NHEJ1: variants seen among roughly 807,000 people sequenced by gnomAD.
NHEJ1 encodes non-homologous end joining factor 1, also known as non-homologous end-joining factor 1.
A neutral mutation model predicts 39.4 loss-of-function variants in NHEJ1; 22 were observed. The ratio of observed to expected loss-of-function variants is 0.56; its 90% CI spans 0.40 to 0.80. NHEJ1 has a LOEUF of 0.80. Among genes scored for constraint, NHEJ1 ranks in the 30% least tolerant of loss-of-function variants. The pLI, the probability that NHEJ1 is intolerant of heterozygous loss-of-function variation, is 0.00. For missense variants in NHEJ1, 329 were observed against 357.1 expected (o/e 0.92, Z 0.63); for synonymous variants, 154 against 135.6 (o/e 1.14, Z -0.94).
At chr2:219,092,967 G>A (rs78107741) in intron 5 of NHEJ1, among the ~76,000 whole-genome samples, 2,944 of 152,292 alleles carry the variant, frequency 0.019, 109 homozygotes, top group African/African-American at 0.067. Flanking sequence ...TTTTACTTAA[G>A]CTAATTAAGG....
chr2:219,119,293 G>A (rs1004974147), intron 5 of NHEJ1, among the ~76,000 whole-genome samples: 33 of 152,216 alleles, frequency 2.2e-4, no homozygotes, highest in Non-Finnish European at 4.6e-4. Flanking sequence ...CTCACAGAAT[G>A]AGACAATAGT....
chr2:219,159,451 C>A (rs750162694), intron 1 of NHEJ1: 1 of 150,168 alleles, frequency 6.7e-6, no homozygotes, highest in Non-Finnish European at 1.5e-5. Flanking sequence ...CTTATTAAGT[C>A]TGATTAACAC....
intron 5 of NHEJ1, among the ~76,000 whole-genome samples, chr2:219,098,148 C>T (rs1305213299): frequency 6.6e-6 from 1 of 152,118 alleles, no homozygotes; most frequent in African/African-American, 2.4e-5. Flanking sequence ...AGAACAATTT[C>T]AATGGAGTGA....
At chr2:219,131,376 G>T (rs142836252) in intron 5 of NHEJ1, among the ~76,000 whole-genome samples, 1 of 152,178 alleles carries the variant, frequency 6.6e-6, no homozygotes, top group Non-Finnish European at 1.5e-5. Context: ...GACTAATTTC[G>T]AAATTAAAAT....
At chr2:219,102,433 T>C (rs1949270339) in intron 5 of NHEJ1, 3 of 152,224 alleles carry the variant, frequency 2.0e-5, no homozygotes, top group African/African-American at 7.2e-5. Flanking sequence ...ACTGAAAACT[T>C]GCTGGGTGCA....
At chr2:219,130,343 C>T (rs1212177285) in intron 5 of NHEJ1, among the ~76,000 whole-genome samples, 3 of 152,100 alleles carry the variant, frequency 2.0e-5, no homozygotes, top group Non-Finnish European at 4.4e-5. Flanking sequence ...GAGAGAGGGG[C>T]TGTAATACTG....
intron 5 of NHEJ1, among the ~76,000 whole-genome samples, chr2:219,101,406 C>T (rs1209735391): frequency 6.6e-6 from 1 of 151,976 alleles, no homozygotes; most frequent in Non-Finnish European, 1.5e-5. Context: ...TGAGCCACCG[C>T]GCCCGGCCTA....
chr2:219,145,454 C>A (rs994081982), intron 5 of NHEJ1, among the ~76,000 whole-genome samples: 3 of 152,128 alleles, frequency 2.0e-5, no homozygotes, highest in African/African-American at 7.2e-5. Flanking sequence ...TTATGCCTAG[C>A]CCTTTAAAAA....
rs187519220 is a variant in NHEJ1 at position 219,112,399 on chromosome 2, G to A, written c.589-34193C>T. Among the ~76,000 whole-genome samples, 20 of 152,136 alleles carry A rather than the reference G, an allele frequency of 1.3e-4. 1 individual carries two copies. The highest frequency in any genetic ancestry group is 7.2e-4 in the Admixed American group (11 of 15,290). ...GACTAGGACCAACCATAAATATCAC[G>A]CATATATAAATCATCATTATAATTA... On this transcript the variant is annotated intron_variant, in intron 5 of 7. Coordinates refer to ENST00000356853, the MANE Select transcript of NHEJ1 (RefSeq NM_024782.3).
rs1056940496 is a variant in NHEJ1, at chr2:219,073,766, G to A, written c.*2615C>T. Among the ~76,000 whole-genome samples, 8 of 152,240 alleles carry A rather than the reference G, an allele frequency of 5.3e-5. No homozygotes were observed. The highest frequency in any genetic ancestry group is 7.2e-5 in the African/African-American group (3 of 41,470). On this transcript the variant is annotated 3_prime_UTR_variant, in exon 8 of 8. Transcript: ENST00000356853. ...CAGCCCTGGCCCCAGCCCCAGCCCC[G>A]GGGAGCGGGCGGGTAGGCGGGGAGG...
At chr2:219,140,204 G>C (rs1316861380) in intron 5 of NHEJ1, among the ~76,000 whole-genome samples, 1 of 152,218 alleles carries the variant, frequency 6.6e-6, no homozygotes, top group Non-Finnish European at 1.5e-5. Context: ...GCAGTGGAGT[G>C]AATGAGGGAG....
rs985775439 is a variant in NHEJ1 at position 219,101,642 on chromosome 2, C to G, written c.589-23436G>C. Among the ~76,000 whole-genome samples, 9 of 151,952 alleles carry G rather than the reference C, an allele frequency of 5.9e-5. No homozygotes were observed. In the East Asian group the frequency reaches 1.7e-3, roughly 29 times the overall value. On this transcript the variant is annotated intron_variant, in intron 5 of 7. Coordinates refer to ENST00000356853, the MANE Select transcript of NHEJ1 (RefSeq NM_024782.3). ...CCCAGGCTGGTCTTGAACTCCGGGC[C>G]TCAAGTGATCTTCCTGCCTCGGCCT...
At chr2:219,120,203 T>C (rs1411075763) in intron 5 of NHEJ1, among the ~76,000 whole-genome samples, 1 of 152,244 alleles carries the variant, frequency 6.6e-6, no homozygotes, top group Non-Finnish European at 1.5e-5. Flanking sequence ...CTCACAAAGA[T>C]ACTTTTTCAT....
At chr2:219,097,881 G>T (rs1949223603) in intron 5 of NHEJ1, among the ~76,000 whole-genome samples, 1 of 152,172 alleles carries the variant, frequency 6.6e-6, no homozygotes, top group Non-Finnish European at 1.5e-5. Context: ...GCAAATGTGG[G>T]TAGAGAATAG....
intron 5 of NHEJ1, among the ~76,000 whole-genome samples, chr2:219,138,704 A>G (rs1319388151): frequency 6.6e-6 from 1 of 152,228 alleles, no homozygotes; most frequent in Non-Finnish European, 1.5e-5. Flanking sequence ...TATGTTGGAA[A>G]CTAGGTGCTA....
rs377705454 is a variant in NHEJ1, at chr2:219,080,688, T to TAAGCTTATATATGCTAATATATAA, written c.589-2483_589-2482insTTATATATTAGCATATATAAGCTT. On this transcript the variant is annotated intron_variant, in intron 5 of 7. Transcript: ENST00000356853. ...AAGCTTTTATATATGCTAATATATA[T>TAAGCTTATATATGCTAATATATAA]GCTTATATATATATATGCTAATATA... Among the ~76,000 whole-genome samples, 180 of 118,316 alleles carry TAAGCTTATATATGCTAATATATAA rather than the reference T, an allele frequency of 1.5e-3. 2 individuals carry two copies. The highest frequency in any genetic ancestry group is 5.1e-3 in the African/African-American group (149 of 29,410). The allele number at this position is 118,316 out of a possible 152,430, so 77.6% of individuals were successfully genotyped here.
Position 219,071,908 on chromosome 2 carries a change from T to A in NHEJ1, c.*4473A>T, listed in dbSNP as rs116785591. The stretch of plus-strand genomic sequence containing the variant: ...GGTGGGACTTAATAGCTCAGAAGAG[T>A]GATGAAGCCTTTGCTAGAATACTTG... On this transcript the variant is annotated 3_prime_UTR_variant, in exon 8 of 8. Transcript: ENST00000356853. Among the ~76,000 whole-genome samples, 2,920 of 152,074 alleles carry A rather than the reference T, an allele frequency of 0.019. 106 individuals carry two copies. Among genetic ancestry groups the A allele is most frequent in the African/African-American group, 0.066 (2,748 of 41,444 alleles).
In NHEJ1 at chr2:219,076,243, C is replaced by T; in HGVS notation, c.*138G>A. 1 of 1,549,864 alleles carries T rather than the reference C, an allele frequency of 6.5e-7. No homozygotes were observed. The highest frequency in any genetic ancestry group is 1.2e-5 in the South Asian group (1 of 84,410). On this transcript the variant is annotated 3_prime_UTR_variant, in exon 8 of 8. Coordinates refer to ENST00000356853, the MANE Select transcript of NHEJ1 (RefSeq NM_024782.3). ...TTCCCTGTGGGCCTGTCAACATCAA[C>T]TTCAGTTCTCTCGCCCTTACAGGAG...
chr2:219,092,793 G>A (rs1444875848), intron 5 of NHEJ1, among the ~76,000 whole-genome samples: 3 of 152,202 alleles, frequency 2.0e-5, no homozygotes, highest in African/African-American at 7.2e-5. Flanking sequence ...CCACATGCCA[G>A]TCAATGGTCT....
Sources: allele counts gnomAD v4.1 joint callset (sites outside exome capture counted in the v4.1 genomes callset), GRCh38; gene constraint gnomAD v4.1.1; transcripts MANE v1.5; gene names NCBI Gene and HGNC (gene_info 2026-07-23, HGNC 2026-07-21).